CAMSAP2: variants seen among roughly 807,000 people sequenced by gnomAD.
CAMSAP2 encodes the protein calmodulin regulated spectrin associated protein family member 2, also known as calmodulin-regulated spectrin-associated protein 2.
In CAMSAP2, 26 loss-of-function variants were observed where a neutral mutation model predicts 146.1. That is an observed-to-expected ratio of 0.18 (90% CI 0.13 to 0.25). The LOEUF (loss-of-function observed/expected upper bound fraction) is 0.25. Among genes scored for constraint, CAMSAP2 ranks in the 10% least tolerant of loss-of-function variants. CAMSAP2 has a pLI of 1.00. For missense variants in CAMSAP2, 1,381 were observed against 1,759.3 expected, an observed-to-expected ratio of 0.78 and a Z score of 3.85; for synonymous variants, 499 against 596.6, an observed-to-expected ratio of 0.84 and a Z score of 2.38.
At chr1:200,758,283 C>G (rs143292927) in intron 1 of CAMSAP2, among the ~76,000 whole-genome samples, 1 of 152,116 alleles carries the variant, frequency 6.6e-6, no homozygotes, top group African/African-American at 2.4e-5. Context: ...CTTATATTAG[C>G]CATTTTTTAC....
chr1:200,843,822 C>T (rs187215802), intron 7 of CAMSAP2, among the ~76,000 whole-genome samples: 467 of 151,902 alleles, frequency 3.1e-3, no homozygotes, highest in African/African-American at 9.6e-3. Flanking sequence ...CAAAACTAAA[C>T]GCTCAAACTT....
chr1:200,840,292 AT>A (rs954412771), intron 6 of CAMSAP2, among the ~76,000 whole-genome samples: 12 of 150,288 alleles, frequency 8.0e-5, no homozygotes, highest in Non-Finnish European at 1.8e-4. Context: ...CTTTCTTTTT[AT>A]TTTTTTTTAG....
chr1:200,807,359 T>A lies in CAMSAP2; in HGVS notation c.400-17T>A. On this transcript the variant is annotated splice_polypyrimidine_tract_variant and intron_variant, in intron 2 of 16. Transcript: ENST00000358823. ...AATATAATTTTTAAACTATTTGTTC[T>A]TGTTTTATATTTTCAGAGTGCACAT... The A allele has an allele frequency of 6.8e-7, 1 of 1,473,028 alleles. No individual in the cohort carries two copies. Among genetic ancestry groups the A allele is most frequent in the Non-Finnish European group, 9.1e-7 (1 of 1,104,912 alleles). The allele number at this position is 1,473,028 out of a possible 1,614,324, so 91.2% of individuals were successfully genotyped here.
intron 2 of CAMSAP2, among the ~76,000 whole-genome samples, chr1:200,767,592 TA>T (rs1015472490): frequency 1.3e-5 from 2 of 151,732 alleles, no homozygotes; most frequent in South Asian, 2.1e-4. Context: ...AGAGGCTTGT[TA>T]AAAAAAATCC....
rs566532301 is a variant in CAMSAP2, at chr1:200,782,562, C to T, written c.399+21464C>T. On this transcript the variant is annotated intron_variant, in intron 2 of 16. Coordinates refer to ENST00000358823, the MANE Select transcript of CAMSAP2 (RefSeq NM_203459.4). The stretch of plus-strand genomic sequence containing the variant: ...TTCATATAGATGAAAGCAAACTGCA[C>T]GAACTCTTTTTTTACTAGATTCTTT... Among the ~76,000 whole-genome samples the T allele has an allele frequency of 1.0e-3, 158 of 152,094 alleles. 2 individuals are homozygous for T. The highest frequency in any genetic ancestry group is 2.0e-3 in the Non-Finnish European group (136 of 67,996).
chr1:200,857,505 C>A lies in CAMSAP2; in HGVS notation c.4131+81C>A. 1.0e-6 allele frequency: 1 copy of A among 968,242 alleles called. No individual in the cohort carries two copies. The highest frequency in any genetic ancestry group is 1.6e-6 in the Non-Finnish European group (1 of 617,756). The allele number at this position is 968,242 out of a possible 1,614,324, so 60.0% of individuals were successfully genotyped here. A position where few individuals can be genotyped will look rare whatever the true frequency, so the allele number is the denominator to read the frequency against. On this transcript the variant is annotated intron_variant, in intron 16 of 16. Coordinates refer to ENST00000358823, the MANE Select transcript of CAMSAP2 (RefSeq NM_203459.4). The surrounding 1 kb of genome is among the most constrained non-coding windows in gnomAD (Gnocchi z 4.7). ...TTCAAGAGAATGTACTCTCATGGGC[C>A]TAGACTTTCAACAGCATGTAAAAAG...
intron 2 of CAMSAP2, among the ~76,000 whole-genome samples, chr1:200,773,810 C>T (rs1182696929): frequency 6.6e-6 from 1 of 151,724 alleles, no homozygotes; most frequent in Non-Finnish European, 1.5e-5. Flanking sequence ...TGCTGGAGCT[C>T]AGGAAGTCAA....
chr1:200,801,872 T>C (rs2102129450), intron 2 of CAMSAP2, among the ~76,000 whole-genome samples: 1 of 152,280 alleles, frequency 6.6e-6, no homozygotes, highest in South Asian at 2.1e-4. Flanking sequence ...TCTTAGTACC[T>C]TATTTATTTA....
intron 4 of CAMSAP2, among the ~76,000 whole-genome samples, chr1:200,821,287 A>G (rs1379153633): frequency 6.6e-6 from 1 of 151,684 alleles, no homozygotes; most frequent in East Asian, 1.9e-4. Flanking sequence ...GGCTCAAGCA[A>G]TCTTCCCACC....
Position 200,832,057 on chromosome 1 carries a change from T to C in CAMSAP2, c.646-143T>C. 1 of 670,154 alleles carries C rather than the reference T, an allele frequency of 1.5e-6. No homozygotes were observed. The highest frequency in any genetic ancestry group is 2.2e-5 in the South Asian group (1 of 44,918). 41.5% of individuals were successfully genotyped at this position (670,154 alleles called of 1,614,324 possible). Reference sequence around the variant, plus strand: ...TTAACTTTGGTAATACCTAGCGTTATTTAGAAAAAAAGAAATATTGGTGAG... The same window carrying C: ...TTAACTTTGGTAATACCTAGCGTTACTTAGAAAAAAAGAAATATTGGTGAG... On this transcript the variant is annotated intron_variant, in intron 4 of 16. Coordinates refer to ENST00000358823, the MANE Select transcript of CAMSAP2 (RefSeq NM_203459.4). The surrounding 1 kb of genome is among the most constrained non-coding windows in gnomAD (Gnocchi z 4.2).
chr1:200,817,448 A>G (rs1024976526), intron 4 of CAMSAP2, among the ~76,000 whole-genome samples: 3 of 152,078 alleles, frequency 2.0e-5, no homozygotes, highest in Non-Finnish European at 4.4e-5. Flanking sequence ...ATTTTCTATG[A>G]TATAGTATAT....
chr1:200,747,230 G>C (rs1664359820), intron 1 of CAMSAP2, among the ~76,000 whole-genome samples: 2 of 152,002 alleles, frequency 1.3e-5, no homozygotes, highest in African/African-American at 4.8e-5. Flanking sequence ...AGCGTATGGA[G>C]AAAGAAAGGA....
chr1:200,852,087 A>G (rs925866224), intron 11 of CAMSAP2, among the ~76,000 whole-genome samples: 2 of 152,210 alleles, frequency 1.3e-5, no homozygotes, highest in Non-Finnish European at 2.9e-5. Context: ...TCAACTTAAA[A>G]TCATGCAGCA....
chr1:200,747,521 A>G (rs1361627859), intron 1 of CAMSAP2, among the ~76,000 whole-genome samples: 1 of 152,222 alleles, frequency 6.6e-6, no homozygotes, highest in African/African-American at 2.4e-5. Context: ...TGCCGTCCTC[A>G]CTTGTAGTAA....
intron 1 of CAMSAP2, among the ~76,000 whole-genome samples, chr1:200,745,271 A>G (rs1419555321): frequency 6.6e-6 from 1 of 152,076 alleles, no homozygotes; most frequent in African/African-American, 2.4e-5. Context: ...CTCCTACCCC[A>G]GTTGTGACAA....
intron 3 of CAMSAP2, among the ~76,000 whole-genome samples, chr1:200,811,631 T>A (rs192777727): frequency 6.6e-6 from 1 of 152,286 alleles, no homozygotes; most frequent in East Asian, 1.9e-4. Flanking sequence ...TGTCCAGAGT[T>A]TATAATTGCT....
Position 200,771,466 on chromosome 1 carries a change from C to T in CAMSAP2, c.399+10368C>T, listed in dbSNP as rs542895372. Among the ~76,000 whole-genome samples the T allele has an allele frequency of 2.5e-3, 385 of 152,102 alleles. 1 individual carries two copies. Among genetic ancestry groups the T allele is most frequent in the African/African-American group, 8.8e-3 (366 of 41,500 alleles). On this transcript the variant is annotated intron_variant, in intron 2 of 16. Transcript: ENST00000358823. ...CGTTCTTAAGTAAAATATACATTCT[C>T]CTTTACTGATAACATATTTTATATT...
intron 2 of CAMSAP2, among the ~76,000 whole-genome samples, chr1:200,766,433 G>T (rs1009277325): frequency 6.6e-6 from 1 of 152,110 alleles, no homozygotes; most frequent in Non-Finnish European, 1.5e-5. Flanking sequence ...CTATCAGGTA[G>T]CTCTTTTCAT....
chr1:200,850,999 A>C (rs959888936), intron 11 of CAMSAP2, among the ~76,000 whole-genome samples: 4 of 152,114 alleles, frequency 2.6e-5, no homozygotes, highest in African/African-American at 9.7e-5. Context: ...ATTGTTCTTT[A>C]AGATTAACTT....
Sources: allele counts gnomAD v4.1 joint callset (sites outside exome capture counted in the v4.1 genomes callset), GRCh38; gene constraint gnomAD v4.1.1; non-coding constraint Gnocchi (gnomAD v3.1); transcripts MANE v1.5; gene names NCBI Gene and HGNC (gene_info 2026-07-23, HGNC 2026-07-21).